Variants in RPL26L1 observed in about 807,000 individuals in gnomAD.
RPL26L1 encodes ribosomal protein uL24-like.
Under a neutral mutation model 15.2 loss-of-function variants are expected in RPL26L1, and 8 were observed. The observed-to-expected ratio is 0.53, with a 90% CI of 0.31 to 0.95. The LOEUF is 0.95. Among genes scored for constraint, RPL26L1 ranks in the 40% least tolerant of loss-of-function variants. The pLI, the probability that RPL26L1 is intolerant of heterozygous loss-of-function variation, is 0.05. For missense variants in RPL26L1, 146 were observed against 190.9 expected (o/e 0.76, Z 1.39); for synonymous variants, 51 against 65.9 (o/e 0.77, Z 1.09).
chr5:172,959,368 G>A (rs937879911), upstream of RPL26L1: 40 of 1,001,554 alleles, frequency 4.0e-5, no homozygotes, highest in Non-Finnish European at 4.7e-5. Context: ...ATTCGACTTC[G>A]CTCCTACGGA....
In RPL26L1 at chr5:172,963,563, C is replaced by T. The variant is rs75031538; in HGVS notation, c.168+3522C>T. Among the ~76,000 whole-genome samples, 1,460 of 152,208 alleles carry T rather than the reference C, an allele frequency of 9.6e-3. 10 individuals carry two copies. The highest frequency in any genetic ancestry group is 0.016 in the Non-Finnish European group (1,086 of 67,998). On this transcript the variant is annotated intron_variant, in intron 2 of 3. Transcript: ENST00000265100. ...GAATGTTCTCTCTGCCTGGAGTGCTCTTCCTTCTCTCCTTTACATAGGTAA... is the reference window on the plus strand; with the variant it reads ...GAATGTTCTCTCTGCCTGGAGTGCTTTTCCTTCTCTCCTTTACATAGGTAA...
At chr5:172,966,478 T>G (rs1755456359) in intron 2 of RPL26L1, among the ~76,000 whole-genome samples, 1 of 152,096 alleles carries the variant, frequency 6.6e-6, no homozygotes, top group Non-Finnish European at 1.5e-5. Flanking sequence ...CTTTCTTCAG[T>G]CTTGGCCAGG....
chr5:172,956,334 G>A (rs182136487), upstream of RPL26L1, among the ~76,000 whole-genome samples: 18 of 152,048 alleles, frequency 1.2e-4, no homozygotes, highest in East Asian at 2.7e-3. Context: ...TAATAAATAC[G>A]GATCGCATTA....
intron 2 of RPL26L1, among the ~76,000 whole-genome samples, chr5:172,960,484 G>T (rs904210559): frequency 2.6e-5 from 4 of 152,162 alleles, no homozygotes; most frequent in African/African-American, 9.7e-5. Flanking sequence ...GTGGCTTGTT[G>T]AACCAGACTG....
intron 2 of RPL26L1, among the ~76,000 whole-genome samples, chr5:172,960,730 T>A (rs1445681218): frequency 6.7e-6 from 1 of 148,202 alleles, no homozygotes; most frequent in East Asian, 1.9e-4. Flanking sequence ...GGAAGGGAGT[T>A]GGATATGAGT....
Position 172,959,987 on chromosome 5 carries a change from G to A in RPL26L1, c.114G>A (p.Leu38=). ...TGTCATCCCCGCTCTCCAAGGAGCTGCGGCAGAAGTACAATGTCCGCTCCA... is the reference window on the plus strand; with the variant it reads ...TGTCATCCCCGCTCTCCAAGGAGCTACGGCAGAAGTACAATGTCCGCTCCA... ...KIMSSPLSKE[L]RQKYNVRSMP... is the part of the protein sequence containing the mutation. The change falls in exon 2 of 4, where the codon CTG becomes CTA. Residue 38 remains leucine (L), a synonymous_variant. Coordinates refer to ENST00000265100, the MANE Select transcript of RPL26L1 (RefSeq NM_016093.4). 1 of 1,614,208 alleles carries A rather than the reference G, an allele frequency of 6.2e-7. No homozygotes were observed. The highest frequency in any genetic ancestry group is 8.5e-7 in the Non-Finnish European group (1 of 1,180,040).
intron 2 of RPL26L1, among the ~76,000 whole-genome samples, chr5:172,961,188 G>GA (rs1340927932): frequency 6.6e-6 from 1 of 152,106 alleles, no homozygotes; most frequent in Non-Finnish European, 1.5e-5. Context: ...TGTTAAGGAG[G>GA]AAAAAATGTG....
At chr5:172,956,481 C>G (rs987334835), upstream of RPL26L1, among the ~76,000 whole-genome samples, 1 of 152,170 alleles carries the variant, frequency 6.6e-6, no homozygotes, top group Non-Finnish European at 1.5e-5. Flanking sequence ...TGTTATTTAA[C>G]GGACTGAAAT....
chr5:172,963,960 T>A (rs1561756979), intron 2 of RPL26L1, among the ~76,000 whole-genome samples: 3 of 152,124 alleles, frequency 2.0e-5, no homozygotes, highest in Admixed American at 6.5e-5. Flanking sequence ...ATCTTGTTTG[T>A]TGTCTGACCT....
chr5:172,968,437 T>C (rs775408650), intron 2 of RPL26L1, 22 bp from the exon 3 acceptor site: 66 of 1,611,414 alleles, frequency 4.1e-5, no homozygotes, highest in Non-Finnish European at 5.6e-5. Flanking sequence ...GGAGGGGGAT[T>C]CTCTTTTGTA....
intron 2 of RPL26L1, among the ~76,000 whole-genome samples, chr5:172,961,251 G>C (rs1755224970): frequency 6.6e-6 from 1 of 152,182 alleles, no homozygotes; most frequent in South Asian, 2.1e-4. Flanking sequence ...TCAGAGGTAT[G>C]ATCAGCAGTT....
chr5:172,966,955 A>C (rs1468564305), intron 2 of RPL26L1, among the ~76,000 whole-genome samples: 4 of 151,668 alleles, frequency 2.6e-5, no homozygotes, highest in African/African-American at 4.8e-5. Flanking sequence ...TTCCAGGTTC[A>C]AGTGATTCTC....
chr5:172,966,179 T>C (rs1561758018), intron 2 of RPL26L1, among the ~76,000 whole-genome samples: 2 of 152,188 alleles, frequency 1.3e-5, no homozygotes, highest in South Asian at 2.1e-4. Context: ...GATCTCACTC[T>C]GTCACCCAGG....
intron 2 of RPL26L1, among the ~76,000 whole-genome samples, chr5:172,960,900 A>G (rs917453557): frequency 2.7e-5 from 3 of 109,786 alleles, no homozygotes; most frequent in East Asian, 3.2e-4. Context: ...TGGACTGGAT[A>G]ATTGTTGTGG....
chr5:172,955,364 G>A (rs1053087185), upstream of RPL26L1: 29 of 194,234 alleles, frequency 1.5e-4, no homozygotes, highest in African/African-American at 6.3e-4. Flanking sequence ...CCTGACCTCA[G>A]GTGATCCACC....
chr5:172,969,039 C>G (rs1312479071), intron 3 of RPL26L1, among the ~76,000 whole-genome samples: 1 of 151,778 alleles, frequency 6.6e-6, no homozygotes, highest in Non-Finnish European at 1.5e-5. Flanking sequence ...ATCTCCTGAC[C>G]TCGTGATCCG....
At chr5:172,965,481 A>G (rs886108588) in intron 2 of RPL26L1, among the ~76,000 whole-genome samples, 4 of 151,804 alleles carry the variant, frequency 2.6e-5, no homozygotes, top group Non-Finnish European at 4.4e-5. Flanking sequence ...TCTCACCTTC[A>G]CCTTCTCACC....
chr5:172,958,543 G>A (rs1188892634), upstream of RPL26L1: 27 of 403,462 alleles, frequency 6.7e-5, no homozygotes. Context: ...CCCGAAGAGA[G>A]TCGAGACCCA....
upstream of RPL26L1, chr5:172,955,214 T>G: frequency 3.0e-6 from 1 of 333,042 alleles, no homozygotes; most frequent in Non-Finnish European, 5.8e-6. Context: ...CTGCAACATC[T>G]ACCTCCCAGA....
Sources: gnomAD v4.1 joint callset for allele counts (sites outside exome capture counted in the v4.1 genomes callset) on GRCh38, gnomAD v4.1.1 for gene constraint, MANE v1.5 for transcripts, NCBI Gene and HGNC (gene_info 2026-07-23, HGNC 2026-07-21) for gene names.